The following CYP24A1 variants were observed in gnomAD, a reference collection of about 807,000 sequenced individuals.
The protein encoded by CYP24A1 is cytochrome P450 family 24 subfamily A member 1.
A neutral mutation model predicts 62.4 loss-of-function variants in CYP24A1; 68 were observed. That is an observed-to-expected ratio of 1.09 (90% CI 0.90 to 1.33). The LOEUF (loss-of-function observed/expected upper bound fraction) is 1.33. CYP24A1 is among the 40% of genes most tolerant of loss of function. The probability of loss-of-function intolerance (pLI) is 0.00; values close to 1 mark genes in which losing one functional copy is unlikely to be tolerated. For synonymous variants in CYP24A1, 267 were observed against 253.0 expected (o/e 1.06, Z -0.52); for missense variants, 787 against 653.0 (o/e 1.21, Z -2.24).
chr20:54,148,361 G>GACACACACACACAC, the CYP24A1 span, among the ~76,000 whole-genome samples: 2 of 70,054 alleles, frequency 2.9e-5, no homozygotes, highest in African/African-American at 9.4e-5. Context: ...TACATACACA[G>GACACACACACACAC]ACACACAGAC....
intron 4 of CYP24A1, among the ~76,000 whole-genome samples, chr20:54,166,940 G>A (rs2092674289): frequency 6.6e-6 from 1 of 152,140 alleles, no homozygotes; most frequent in Non-Finnish European, 1.5e-5. Flanking sequence ...TCTGGAGGCT[G>A]AGGTGGGAAG....
chr20:54,162,624 T>G, intron 7 of CYP24A1, 93 bp downstream of exon 7: 1 of 702,748 alleles, frequency 1.4e-6, no homozygotes, highest in Non-Finnish European at 2.5e-6. Flanking sequence ...TGAATCCCAG[T>G]GAAATGAATG....
Position 54,158,154 on chromosome 20 carries a change from T to C in CYP24A1, c.1168A>G (p.Ser390Gly). Reference protein sequence around the residue: ...CLKESMRLTPSVPFTTRTLDK... With the variant: ...CLKESMRLTPGVPFTTRTLDK... ...AGAGTCCGAGTTGTAAATGGTACAC[T>C]CGGCGTAAGCCTGAAAAGATAAAAT... is the stretch of plus-strand genomic sequence containing the variant. The change falls in exon 9 of 12, where the codon AGT (serine) becomes GGT (glycine). Residue 390 changes from serine (S) to glycine (G), a missense_variant. Physicochemically the swap from Ser to Gly is moderately conservative, Grantham distance 56. Coordinates refer to ENST00000216862, the MANE Select transcript of CYP24A1 (RefSeq NM_000782.5). The C allele has an allele frequency of 6.2e-7, 1 of 1,613,980 alleles. No individual in the cohort carries two copies. Among genetic ancestry groups the C allele is most frequent in the Non-Finnish European group, 8.5e-7 (1 of 1,179,990 alleles).
intron 3 of CYP24A1, among the ~76,000 whole-genome samples, chr20:54,170,532 C>T (rs1160128548): frequency 1.3e-5 from 2 of 151,486 alleles, no homozygotes; most frequent in Middle Eastern, 3.2e-3. Context: ...GCCCGCATAG[C>T]GCATTTAAAA....
chr20:54,169,717 A>AT (rs2092687536), intron 3 of CYP24A1, 29 bp from the exon 4 acceptor site: 1 of 1,613,640 alleles, frequency 6.2e-7, no homozygotes. Context: ...CAAAAGACAC[A>AT]TTTTAAAGCC....
chr20:54,152,965 C>T (rs1337718462), downstream of CYP24A1, among the ~76,000 whole-genome samples: 1 of 152,202 alleles, frequency 6.6e-6, no homozygotes, highest in Non-Finnish European at 1.5e-5. Flanking sequence ...TTGCTCCCAG[C>T]CACGGAAAAT....
chr20:54,165,973 T>G lies in CYP24A1; in HGVS notation c.641-140A>C, dbSNP rs540224239. ...GAGAAAAGGCAACAGTCCAAGAATA[T>G]TGAGGAAAAGCAGAGTCTGAGAGAA... On this transcript the variant is annotated intron_variant, in intron 4 of 11. Transcript: ENST00000216862. 8.9e-4 allele frequency: 620 copies of G among 700,192 alleles called. 7 individuals are homozygous for G. The South Asian group carries it at 9.8e-3, about 11-fold the overall frequency. The allele number at this position is 700,192 out of a possible 1,614,324, so 43.4% of individuals were successfully genotyped here. A position where few individuals can be genotyped will look rare whatever the true frequency, so the allele number is the denominator to read the frequency against.
At chr20:54,168,773 T>G (rs1247844790) in intron 4 of CYP24A1, among the ~76,000 whole-genome samples, 1 of 113,294 alleles carries the variant, frequency 8.8e-6, no homozygotes, top group Non-Finnish European at 1.9e-5. Context: ...CCTCCTTCCT[T>G]CCTTCCCTCC....
rs776602386 is a variant in CYP24A1, at chr20:54,159,113, C to G, written c.1001G>C (p.Ser334Thr). The change falls in exon 8 of 12, where the codon AGT becomes ACT. Residue 334 changes from serine to threonine, a missense_variant. Coordinates refer to ENST00000216862, the MANE Select transcript of CYP24A1 (RefSeq NM_000782.5). ...QLAAVETTAN[S>T]LMWILYNLSR... ...TAAATTGTAGAGAATCCACATTAGA[C>G]TGTTTGCTGTCTGCAAGCCAAATGG... 2 of 1,613,340 alleles carry G rather than the reference C, an allele frequency of 1.2e-6. No individual in the cohort carries two copies. The highest frequency in any genetic ancestry group is 2.2e-5 in the South Asian group (2 of 91,062).
At chr20:54,168,861 T>C (rs190225358) in intron 4 of CYP24A1, among the ~76,000 whole-genome samples, 1 of 41,008 alleles carries the variant, frequency 2.4e-5, no homozygotes, top group Non-Finnish European at 4.9e-5. Context: ...CTTCCTTCCT[T>C]CCTTCCTTCC....
chr20:54,157,175 C>A lies in CYP24A1; in HGVS notation c.*4G>T, dbSNP rs781002878. On this transcript the variant is annotated 3_prime_UTR_variant, in exon 11 of 12. Coordinates refer to ENST00000216862, the MANE Select transcript of CYP24A1 (RefSeq NM_000782.5). ...GAACCGCCTAGATGCTCACCTGAGG[C>A]GTATTATCGCTGGCAAAACGCGATG... 5.4e-6 allele frequency: 8 copies of A among 1,491,608 alleles called. No individual in the cohort carries two copies. The highest frequency in any genetic ancestry group is 7.5e-6 in the Non-Finnish European group (8 of 1,069,794). The allele number at this position is 1,491,608 out of a possible 1,614,324, so 92.4% of individuals were successfully genotyped here. A position where few individuals can be genotyped will look rare whatever the true frequency, so the allele number is the denominator to read the frequency against.
At chr20:54,169,195 G>A (rs1374030275) in intron 4 of CYP24A1, among the ~76,000 whole-genome samples, 2 of 152,084 alleles carry the variant, frequency 1.3e-5, no homozygotes. Flanking sequence ...GTGCCACCAT[G>A]CCTGCCTTTC....
intron 7 of CYP24A1, among the ~76,000 whole-genome samples, chr20:54,160,961 A>AC (rs751495248): frequency 2.6e-5 from 4 of 152,216 alleles, no homozygotes; most frequent in Non-Finnish European, 5.9e-5. Context: ...GGCCTGCTGT[A>AC]CCCACTCTCT....
intron 4 of CYP24A1, among the ~76,000 whole-genome samples, chr20:54,168,683 T>A (rs1372789410): frequency 6.6e-6 from 1 of 152,140 alleles, no homozygotes; most frequent in Non-Finnish European, 1.5e-5. Context: ...TCTCTCTCTC[T>A]CTTTTCTTCT....
chr20:54,148,452 A>G (rs1003029471), downstream of CYP24A1, among the ~76,000 whole-genome samples: 3 of 151,650 alleles, frequency 2.0e-5, no homozygotes, highest in African/African-American at 7.3e-5. Context: ...AAGCAGTAAC[A>G]TCCCAGTAGC....
At chr20:54,150,326 A>G (rs938044053), downstream of CYP24A1, among the ~76,000 whole-genome samples, 1 of 152,228 alleles carries the variant, frequency 6.6e-6, no homozygotes, top group African/African-American at 2.4e-5. Context: ...ATAGCAGGAA[A>G]AATCCTAGAT....
rs781092271 is a variant in CYP24A1, at chr20:54,158,131, A to T, written c.1191T>A (p.Thr397=). ...LTPSVPFTTR[T]LDKATVLGEY... is the part of the protein sequence containing the mutation. ...CACCCAGAACTGTTGCCTTGTCAAGAGTCCGAGTTGTAAATGGTACACTCG... is the reference window on the plus strand; with the variant it reads ...CACCCAGAACTGTTGCCTTGTCAAGTGTCCGAGTTGTAAATGGTACACTCG... Residue 397 remains threonine, a synonymous_variant, in exon 9 of 12, where the codon ACT becomes ACA. Transcript: ENST00000216862. 36 of 1,613,980 alleles carry T rather than the reference A, an allele frequency of 2.2e-5. No homozygotes were observed. The highest frequency in any genetic ancestry group is 2.8e-5 in the Non-Finnish European group (33 of 1,180,030).
rs1218400062 is a variant in CYP24A1, at chr20:54,173,424, A to T, written c.156T>A (p.Thr52=). 1 of 1,572,042 alleles carries T rather than the reference A, an allele frequency of 6.4e-7. No individual in the cohort carries two copies. The highest frequency in any genetic ancestry group is 1.9e-5 in the Admixed American group (1 of 53,824). ...PVCPLTAGGE[T]QNAAALPGPT... is the part of the protein sequence containing the mutation. Reference sequence around the variant, plus strand: ...GGCCCGGCAGGGCGGCCGCGTTCTGAGTCTCGCCACCAGCTGTCAGCGGGC... The same window carrying T: ...GGCCCGGCAGGGCGGCCGCGTTCTGTGTCTCGCCACCAGCTGTCAGCGGGC... The change falls in exon 1 of 12, where the codon ACT becomes ACA. Residue 52 remains threonine, a synonymous_variant. Transcript: ENST00000216862. The surrounding 1 kb of genome is among the most constrained non-coding windows in gnomAD (Gnocchi z 7.2).
chr20:54,150,374 C>G (rs1047587465), downstream of CYP24A1, among the ~76,000 whole-genome samples: 1 of 151,922 alleles, frequency 6.6e-6, no homozygotes, highest in African/African-American at 2.4e-5. Context: ...CACTTTTTTG[C>G]CCAGGCTGAA....
Sources: gnomAD v4.1 joint callset for allele counts (sites outside exome capture counted in the v4.1 genomes callset) on GRCh38, gnomAD v4.1.1 for gene constraint, Gnocchi (gnomAD v3.1) non-coding constraint, MANE v1.5 for transcripts, NCBI Gene and HGNC (gene_info 2026-07-23, HGNC 2026-07-21) for gene names.